CDK14: variants seen among roughly 807,000 people sequenced by gnomAD.
CDK14 encodes the protein cyclin dependent kinase 14.
Under a neutral mutation model 60.7 loss-of-function variants are expected in CDK14, and 34 were observed. The observed-to-expected ratio is 0.56, with a 90% CI of 0.43 to 0.75. The LOEUF is 0.75. Ranked by LOEUF, CDK14 falls within the 30% of genes least tolerant of loss-of-function variation. The probability of loss-of-function intolerance (pLI) is 0.00; values close to 1 mark genes in which losing one functional copy is unlikely to be tolerated. For synonymous variants in CDK14, 197 were observed against 203.7 expected, an observed-to-expected ratio of 0.97 and a Z score of 0.28; for missense variants, 482 against 564.1, an observed-to-expected ratio of 0.85 and a Z score of 1.47.
chr7:90,639,610 C>T (rs922333711), intron 2 of CDK14, among the ~76,000 whole-genome samples: 51 of 150,412 alleles, frequency 3.4e-4, no homozygotes, highest in African/African-American at 1.2e-3. Context: ...GCAGTCTGCC[C>T]GTTCTCAGAT....
At chr7:90,801,894 A>G (rs1788649343) in intron 5 of CDK14, among the ~76,000 whole-genome samples, 1 of 152,122 alleles carries the variant, frequency 6.6e-6, no homozygotes, top group Non-Finnish European at 1.5e-5. Context: ...TCTTACCCCT[A>G]TCACCTTCCC....
chr7:90,693,343 T>C (rs1010230487), intron 2 of CDK14, among the ~76,000 whole-genome samples: 2 of 152,212 alleles, frequency 1.3e-5, no homozygotes, highest in East Asian at 3.8e-4. Context: ...TAGTCTGTGA[T>C]ACCAACACAG....
intron 12 of CDK14, among the ~76,000 whole-genome samples, chr7:91,097,456 A>T (rs760002033): frequency 1.3e-5 from 2 of 152,140 alleles, no homozygotes; most frequent in Non-Finnish European, 2.9e-5. Context: ...ATTTTCTTGG[A>T]CCTCTATACA....
At chr7:90,619,108 C>G (rs1799713334) in intron 2 of CDK14, among the ~76,000 whole-genome samples, 2 of 152,212 alleles carry the variant, frequency 1.3e-5, no homozygotes, top group Admixed American at 1.3e-4. Context: ...GGGTATTTCA[C>G]TTCTCAGACT....
intron 10 of CDK14, among the ~76,000 whole-genome samples, chr7:91,043,726 T>A (rs1245846561): frequency 1.5e-5 from 2 of 129,914 alleles, no homozygotes; most frequent in Non-Finnish European, 1.7e-5. Flanking sequence ...TTGATGTTAG[T>A]ATTAATTAGT....
At position 90,815,398 on chromosome 7, in the gene CDK14, C is replaced by G. The variant is rs541586787; in HGVS notation, c.544+24746C>G. Among the ~76,000 whole-genome samples, 11 of 152,266 alleles carry G rather than the reference C, an allele frequency of 7.2e-5. No homozygotes were observed. In the South Asian group the frequency reaches 2.3e-3, roughly 32 times the overall value. ...ATCTCATGCCAGTTAGAATGGCAAT[C>G]ATTAAAAAGTCAGGGAACAACAGAT... is the stretch of plus-strand genomic sequence containing the variant. On this transcript the variant is annotated intron_variant, in intron 5 of 14. Transcript: ENST00000380050.
chr7:90,973,315 G>C (rs1794980143), intron 9 of CDK14, among the ~76,000 whole-genome samples: 1 of 152,136 alleles, frequency 6.6e-6, no homozygotes, highest in African/African-American at 2.4e-5. Flanking sequence ...ATGAGTCATT[G>C]TTCCTGCTGC....
At chr7:90,656,449 G>A (rs549958382) in intron 2 of CDK14, among the ~76,000 whole-genome samples, 1 of 147,856 alleles carries the variant, frequency 6.8e-6, no homozygotes, top group East Asian at 2.0e-4. Flanking sequence ...GAGCAGTCTT[G>A]GCTCACTGCA....
chr7:90,989,961 A>T (rs1795483512), intron 10 of CDK14, among the ~76,000 whole-genome samples: 1 of 152,188 alleles, frequency 6.6e-6, no homozygotes, highest in South Asian at 2.1e-4. Context: ...AAGTGAAAAT[A>T]AGAGGGAAAA....
chr7:91,111,824 A>T (rs2116350829), intron 12 of CDK14, among the ~76,000 whole-genome samples: 1 of 152,262 alleles, frequency 6.6e-6, no homozygotes, highest in East Asian at 1.9e-4. Flanking sequence ...GGTTCCATGA[A>T]AAGCAAGGCT....
intron 14 of CDK14, among the ~76,000 whole-genome samples, chr7:91,131,343 A>T (rs1373559391): frequency 1.3e-5 from 2 of 152,130 alleles, no homozygotes; most frequent in African/African-American, 4.8e-5. Flanking sequence ...GAAGTACATG[A>T]TATCCACATA....
intron 3 of CDK14, among the ~76,000 whole-genome samples, chr7:90,728,009 G>C (rs186850765): frequency 6.6e-6 from 1 of 152,056 alleles, no homozygotes; most frequent in Admixed American, 6.6e-5. Context: ...TTTATCTGTC[G>C]TTGATTACTT....
intron 14 of CDK14, among the ~76,000 whole-genome samples, chr7:91,196,293 T>TAAC (rs1802539443): frequency 6.6e-6 from 1 of 152,202 alleles, no homozygotes; most frequent in South Asian, 2.1e-4. Context: ...TGGCTGTGTT[T>TAAC]AACAACTGGC....
intron 12 of CDK14, among the ~76,000 whole-genome samples, chr7:91,092,101 G>C (rs887008003): frequency 7.2e-5 from 11 of 152,126 alleles, no homozygotes; most frequent in African/African-American, 2.7e-4. Flanking sequence ...AAGATAAAAA[G>C]CTCTAGCAAT....
At chr7:90,917,336 C>T (rs1304064756) in intron 7 of CDK14, among the ~76,000 whole-genome samples, 3 of 151,956 alleles carry the variant, frequency 2.0e-5, no homozygotes, top group Admixed American at 1.3e-4. Context: ...GCTTAAAGAA[C>T]GCTAATTGGA....
intron 1 of CDK14, among the ~76,000 whole-genome samples, chr7:90,598,836 C>T (rs1799253357): frequency 6.8e-6 from 1 of 147,820 alleles, no homozygotes; most frequent in Non-Finnish European, 1.5e-5. Flanking sequence ...TCCCAAGTAG[C>T]TGGGACTACA....
intron 2 of CDK14, among the ~76,000 whole-genome samples, chr7:90,641,721 T>C (rs1487954759): frequency 6.6e-6 from 1 of 152,174 alleles, no homozygotes; most frequent in African/African-American, 2.4e-5. Flanking sequence ...ATCATCAAAA[T>C]GGATTTTGTT....
At chr7:90,641,377 A>G (rs562061488) in intron 2 of CDK14, among the ~76,000 whole-genome samples, 90 of 152,330 alleles carry the variant, frequency 5.9e-4, no homozygotes, top group African/African-American at 2.1e-3. Flanking sequence ...AACAATCCCA[A>G]TGTCCATCAT....
At chr7:90,702,318 G>A (rs62469735) in intron 2 of CDK14, among the ~76,000 whole-genome samples, 15,045 of 152,190 alleles carry the variant, frequency 0.099, 816 homozygotes, top group Non-Finnish European at 0.12. Context: ...GGGTTGCAGA[G>A]TAGGTTAAAG....
Sources: gnomAD v4.1 joint callset for allele counts (sites outside exome capture counted in the v4.1 genomes callset) on GRCh38, gnomAD v4.1.1 for gene constraint, MANE v1.5 for transcripts, NCBI Gene and HGNC (gene_info 2026-07-23, HGNC 2026-07-21) for gene names.